ABCA9: variants seen among roughly 807,000 people sequenced by gnomAD.
The protein encoded by ABCA9 is ATP binding cassette subfamily A member 9, also known as ATP-binding cassette sub-family A member 9.
ABCA9 carries 183 observed loss-of-function variants against 205.3 expected under a neutral mutation model. The observed-to-expected ratio is 0.89, with a 90% CI of 0.79 to 1.01. ABCA9 has a LOEUF of 1.01. Ranked by LOEUF, ABCA9 falls within the 50% of genes least tolerant of loss-of-function variation. The probability of loss-of-function intolerance (pLI) is 0.00; values close to 1 mark genes in which losing one functional copy is unlikely to be tolerated. For synonymous variants in ABCA9, 651 were observed against 683.3 expected, an observed-to-expected ratio of 0.95 and a Z score of 0.74; for missense variants, 1,805 against 1,912.4, an observed-to-expected ratio of 0.94 and a Z score of 1.05.
At chr17:69,035,458 G>T (rs1369041879) in intron 7 of ABCA9, 27 bp from the exon 8 acceptor site, 1 of 1,533,648 alleles carries the variant, frequency 6.5e-7, no homozygotes. Flanking sequence ...ACTTCAGCTG[G>T]TATATAATTC....
At chr17:69,028,910 G>A (rs1417381494) in intron 11 of ABCA9, among the ~76,000 whole-genome samples, 1 of 152,036 alleles carries the variant, frequency 6.6e-6, no homozygotes, top group Admixed American at 6.5e-5. Context: ...TAGAGCTGGA[G>A]AATAAGATGA....
chr17:69,049,372 T>A lies in ABCA9; in HGVS notation c.215A>T (p.Asn72Ile). The change falls in exon 3 of 39, where the codon AAT (asparagine) becomes ATT (isoleucine). Residue 72 changes from asparagine (N) to isoleucine (I), a missense_variant. Asn to Ile is a moderately radical substitution (Grantham distance 149). Coordinates refer to ENST00000340001, the MANE Select transcript of ABCA9 (RefSeq NM_080283.4). ...SMDLGRVDSF[N>I]DTNYVIAFAP... ...AAATGCAATAACATAATTAGTATCA[T>A]TAAAACTATCTACACGTCCCAGATC... is the stretch of plus-strand genomic sequence containing the variant. 2 of 1,613,104 alleles carry A rather than the reference T, an allele frequency of 1.2e-6. No individual in the cohort carries two copies. Among genetic ancestry groups the A allele is most frequent in the Non-Finnish European group, 1.7e-6 (2 of 1,179,370 alleles).
At chr17:69,011,656 A>G (rs1567940187) in intron 23 of ABCA9, among the ~76,000 whole-genome samples, 1 of 152,166 alleles carries the variant, frequency 6.6e-6, no homozygotes, top group Non-Finnish European at 1.5e-5. Flanking sequence ...ACCATCTGGA[A>G]AGTAGAAACC....
chr17:69,055,770 AACAC>A (rs2072052117), intron 1 of ABCA9, among the ~76,000 whole-genome samples: 1 of 152,176 alleles, frequency 6.6e-6, no homozygotes, highest in Admixed American at 6.5e-5. Flanking sequence ...TGAGCCATAA[AACAC>A]ACCTTAGAAA....
chr17:69,078,931 G>A, the ABCA9 span: 720,996 of 1,133,506 alleles, frequency 0.64, 234,274 homozygotes, highest in African/African-American at 0.77. Flanking sequence ...CATAAAACAT[G>A]AGTTTATAGG....
intron 6 of ABCA9, among the ~76,000 whole-genome samples, chr17:69,039,120 T>C (rs997635080): frequency 6.6e-6 from 1 of 152,186 alleles, no homozygotes; most frequent in African/African-American, 2.4e-5. Context: ...ATCAATATTG[T>C]GAAAATGGCC....
At chr17:69,026,931 G>C (rs202190378) in intron 15 of ABCA9, 45 bp downstream of exon 15, 1 of 1,605,092 alleles carries the variant, frequency 6.2e-7, no homozygotes, top group Non-Finnish European at 8.5e-7. Flanking sequence ...ATTCCACACT[G>C]TCTCTAACCT....
Position 68,989,801 on chromosome 17 carries a change from A to T in ABCA9, c.3955+12T>A. Reference sequence around the variant, plus strand: ...TCAAGATTGCTCTACTAATGGAACTACTGTTTCCAACCTTTTTTAACACAA... The same window carrying T: ...TCAAGATTGCTCTACTAATGGAACTTCTGTTTCCAACCTTTTTTAACACAA... On this transcript the variant is annotated intron_variant, in intron 30 of 38. Coordinates refer to ENST00000340001, the MANE Select transcript of ABCA9 (RefSeq NM_080283.4). 6.8e-7 allele frequency: 1 copy of T among 1,461,066 alleles called. No homozygotes were observed. The highest frequency in any genetic ancestry group is 9.6e-7 in the Non-Finnish European group (1 of 1,043,430). 90.5% of individuals were successfully genotyped at this position (1,461,066 alleles called of 1,614,324 possible).
intron 25 of ABCA9, among the ~76,000 whole-genome samples, chr17:69,000,160 G>T (rs1395192818): frequency 5.3e-5 from 8 of 151,406 alleles, no homozygotes; most frequent in South Asian, 2.1e-4. Flanking sequence ...TTTGGCTTTG[G>T]TTGCCATTGC....
chr17:69,027,166 T>C (rs1474209409), intron 14 of ABCA9, 52 bp from the exon 15 acceptor site: 1 of 1,598,990 alleles, frequency 6.3e-7, no homozygotes, highest in East Asian at 2.2e-5. Flanking sequence ...ATAAGATCCT[T>C]TTAAAAAGCA....
At chr17:69,012,187 A>C in intron 22 of ABCA9, 104 bp from the exon 23 acceptor site, 1 of 777,644 alleles carries the variant, frequency 1.3e-6, no homozygotes, top group Non-Finnish European at 2.0e-6. Context: ...CTGATCACTC[A>C]AAGTGCTTCT....
chr17:69,012,344 A>G (rs75632895), intron 22 of ABCA9: 146 of 338,082 alleles, frequency 4.3e-4, no homozygotes, highest in African/African-American at 2.9e-3. Context: ...TACAGTTAAT[A>G]ACTTGTAAGG....
At chr17:69,018,380 C>T (rs1340291660) in intron 20 of ABCA9, 33 bp downstream of exon 20, 1 of 1,473,170 alleles carries the variant, frequency 6.8e-7, no homozygotes, top group East Asian at 2.5e-5. Context: ...ACAAGAACAA[C>T]ATTTAACAGC....
chr17:68,996,054 A>C (rs767512209), intron 25 of ABCA9, 40 bp from the exon 26 acceptor site: 5 of 1,582,274 alleles, frequency 3.2e-6, no homozygotes, highest in Middle Eastern at 3.4e-4. Flanking sequence ...AAAGTGTACC[A>C]ATCTGAATTT....
intron 6 of ABCA9, among the ~76,000 whole-genome samples, chr17:69,039,474 A>G (rs2071463088): frequency 6.6e-6 from 1 of 152,210 alleles, no homozygotes; most frequent in African/African-American, 2.4e-5. Flanking sequence ...CCTATTTAAT[A>G]AATGATGTTG....
At chr17:69,077,480 G>A in the ABCA9 span, among the ~76,000 whole-genome samples, 1 of 152,176 alleles carries the variant, frequency 6.6e-6, no homozygotes, top group Non-Finnish European at 1.5e-5. Context: ...TGTATATTCT[G>A]TGCTGATCAG....
chr17:69,010,973 T>C (rs1347180242), intron 23 of ABCA9, among the ~76,000 whole-genome samples: 2 of 152,132 alleles, frequency 1.3e-5, no homozygotes, highest in African/African-American at 4.8e-5. Flanking sequence ...TAATATCACA[T>C]AGGCCACTGT....
intron 3 of ABCA9, among the ~76,000 whole-genome samples, chr17:69,047,602 A>G (rs929496252): frequency 6.6e-6 from 1 of 152,110 alleles, no homozygotes; most frequent in African/African-American, 2.4e-5. Flanking sequence ...TCTCTGCCTG[A>G]AATTCTCTCC....
chr17:68,985,153 A>G, intron 32 of ABCA9, 25 bp from the exon 33 acceptor site: 1 of 1,614,164 alleles, frequency 6.2e-7, no homozygotes, highest in Non-Finnish European at 8.5e-7. Context: ...GTCAATCCAC[A>G]TAATCCCAAC....
Sources: gnomAD v4.1 joint callset for allele counts (sites outside exome capture counted in the v4.1 genomes callset) on GRCh38, gnomAD v4.1.1 for gene constraint, MANE v1.5 for transcripts, NCBI Gene and HGNC (gene_info 2026-07-23, HGNC 2026-07-21) for gene names.